ABCC9: variants seen among roughly 807,000 people sequenced by gnomAD.
ABCC9 encodes ATP binding cassette subfamily C member 9.
Under a neutral mutation model 188.3 loss-of-function variants are expected in ABCC9, and 95 were observed. The observed-to-expected ratio is 0.50, with a 90% CI of 0.43 to 0.60. The LOEUF is 0.60. Among genes scored for constraint, ABCC9 ranks in the 20% least tolerant of loss-of-function variants. ABCC9 has a pLI of 0.00. For synonymous variants in ABCC9, 659 were observed against 652.7 expected (o/e 1.01, Z -0.15); for missense variants, 1,102 against 1,876.3 (o/e 0.59, Z 7.62).
At chr12:21,809,817 A>G (rs1254633390) in intron 37 of ABCC9, 35 bp downstream of exon 37, 7 of 1,231,768 alleles carry the variant, frequency 5.7e-6, no homozygotes, top group Admixed American at 1.7e-5. Flanking sequence ...TTAATGGCAT[A>G]TATAAAAAAT....
At chr12:21,827,074 T>A in intron 31 of ABCC9, 2 of 972,894 alleles carry the variant, frequency 2.1e-6, no homozygotes, top group Middle Eastern at 5.3e-4. Flanking sequence ...ATACAGAGTC[T>A]ATTATATTTA....
In ABCC9 at chr12:21,936,742, C is replaced by G. The variant is rs554592644; in HGVS notation, c.-20-48G>C. 9 of 1,396,876 alleles carry G rather than the reference C, an allele frequency of 6.4e-6. No homozygotes were observed. In the East Asian group the frequency reaches 1.4e-4, roughly 21 times the overall value. 86.5% of individuals were successfully genotyped at this position (1,396,876 alleles called of 1,614,324 possible). ...AGAAAAATCCTCTTATTAGTAAACT[C>G]TTGTTCATAAAATTATTAAAGCCTT... On this transcript the variant is annotated intron_variant, in intron 2 of 39. Coordinates refer to ENST00000261200, the MANE Select transcript of ABCC9 (RefSeq NM_020297.4).
At chr12:21,802,810 C>G (rs1478475999) in intron 39 of ABCC9, among the ~76,000 whole-genome samples, 1 of 152,102 alleles carries the variant, frequency 6.6e-6, no homozygotes, top group African/African-American at 2.4e-5. Flanking sequence ...CTACCTAAAA[C>G]CATCCCCAGA....
At chr12:21,905,325 A>C (rs1454489528) in intron 12 of ABCC9, among the ~76,000 whole-genome samples, 1 of 151,958 alleles carries the variant, frequency 6.6e-6, no homozygotes, top group Non-Finnish European at 1.5e-5. Context: ...ATGACAAGTT[A>C]ATGGGTGCAG....
intron 24 of ABCC9, among the ~76,000 whole-genome samples, chr12:21,848,768 T>C (rs1373031721): frequency 2.6e-5 from 4 of 152,126 alleles, no homozygotes; most frequent in Non-Finnish European, 4.4e-5. Context: ...CAATAGGATC[T>C]GAAAGAAGGT....
At chr12:21,937,441 C>G (rs1462472603) in intron 2 of ABCC9, among the ~76,000 whole-genome samples, 1 of 152,090 alleles carries the variant, frequency 6.6e-6, no homozygotes, top group Non-Finnish European at 1.5e-5. Flanking sequence ...AGGACAAGGT[C>G]ACACTGTGCT....
rs1948626078 is a variant in ABCC9, at chr12:21,917,042, A to G, written c.468T>C (p.Cys156=). Residue 156 remains cysteine (C), a synonymous_variant, in exon 6 of 40, where the codon TGT becomes TGC. Transcript: ENST00000261200. ...ITKTIKLVKY[C]QSGLDISNLR... is the part of the protein sequence containing the mutation. ...GGTTTGATATGTCCAAGCCAGACTG[A>G]CAGTACTTAACCAATTTTATTGTTT... is the stretch of plus-strand genomic sequence containing the variant. 2 of 1,613,920 alleles carry G rather than the reference A, an allele frequency of 1.2e-6. No homozygotes were observed. The highest frequency in any genetic ancestry group is 1.7e-6 in the Non-Finnish European group (2 of 1,179,834).
chr12:21,863,096 A>T, intron 19 of ABCC9, 42 bp from the exon 20 acceptor site: 1 of 1,305,326 alleles, frequency 7.7e-7, no homozygotes, highest in South Asian at 1.2e-5. Flanking sequence ...AGGATTATGC[A>T]AAGGTACTGT....
intron 10 of ABCC9, among the ~76,000 whole-genome samples, chr12:21,909,838 A>T (rs557720110): frequency 6.6e-6 from 1 of 152,032 alleles, no homozygotes; most frequent in African/African-American, 2.4e-5. Context: ...AATCTATTTA[A>T]CCTTGACAAT....
chr12:21,858,555 G>A lies in ABCC9; in HGVS notation c.2505+1031C>T, dbSNP rs143235560. 2.7e-4 allele frequency among the ~76,000 whole-genome samples: 41 copies of A among 150,180 alleles called. No homozygotes were observed. In the East Asian group the frequency reaches 8.1e-3, roughly 30 times the overall value. On this transcript the variant is annotated intron_variant, in intron 22 of 39. Transcript: ENST00000261200. ...GATGGTGCCATTGCAGTCCAGTCTG[G>A]GCAACAGAGCAAGAATCCATCTCAA...
At chr12:21,915,267 A>AC (rs774503903) in intron 7 of ABCC9, among the ~76,000 whole-genome samples, 1,763 of 88,844 alleles carry the variant, frequency 0.02, 12 homozygotes, top group East Asian at 0.054. Flanking sequence ...GTGTGTATAT[A>AC]ATGTGTATAT....
At chr12:21,847,769 C>CA (rs901664898) in intron 25 of ABCC9, among the ~76,000 whole-genome samples, 8 of 152,224 alleles carry the variant, frequency 5.3e-5, no homozygotes, top group Admixed American at 3.3e-4. Context: ...ACAGCTACTT[C>CA]AAAATGCCAT....
At chr12:21,871,158 A>G (rs965519675) in intron 18 of ABCC9, among the ~76,000 whole-genome samples, 5 of 152,210 alleles carry the variant, frequency 3.3e-5, no homozygotes, top group Admixed American at 2.6e-4. Context: ...AAGCTACACA[A>G]TGTAATTAAA....
intron 2 of ABCC9, among the ~76,000 whole-genome samples, chr12:21,939,540 A>G (rs1204416731): frequency 6.6e-6 from 1 of 152,164 alleles, no homozygotes; most frequent in East Asian, 1.9e-4. Context: ...AAGGGTATAA[A>G]TCGCTGTTCT....
chr12:21,914,152 A>G (rs774003519), intron 7 of ABCC9, among the ~76,000 whole-genome samples: 2 of 152,178 alleles, frequency 1.3e-5, no homozygotes, highest in Non-Finnish European at 2.9e-5. Context: ...ATCATTTACC[A>G]TAAATGTTTC....
intron 8 of ABCC9, 40 bp from the exon 9 acceptor site, chr12:21,911,018 C>T: frequency 6.3e-7 from 1 of 1,598,962 alleles, no homozygotes; most frequent in Non-Finnish European, 8.6e-7. Flanking sequence ...TAAAACTCGT[C>T]TTTTTATAGA....
intron 2 of ABCC9, among the ~76,000 whole-genome samples, chr12:21,937,579 A>G (rs1949538881): frequency 6.6e-6 from 1 of 152,226 alleles, no homozygotes; most frequent in Admixed American, 6.5e-5. Context: ...GTGCCCAAAC[A>G]GATGGGAGAT....
At chr12:21,804,151 G>A (rs1049684398) in intron 39 of ABCC9, among the ~76,000 whole-genome samples, 4 of 152,086 alleles carry the variant, frequency 2.6e-5, no homozygotes, top group South Asian at 2.1e-4. Context: ...TAGTGGCCAC[G>A]TTCACATGAG....
In ABCC9 at chr12:21,848,186, T is replaced by C. The variant is rs745497913; in HGVS notation, c.2830A>G (p.Arg944Gly). ...TCCTCCATCTGGGCTTTGGCTTCTC[T>C]TGAATACATGGCCCGTCGGAGAGTT... ...RKTLRRAMYS[R>G]EAKAQMEDED... Residue 944 changes from arginine to glycine, a missense_variant, in exon 25 of 40, where the codon AGA (arginine) becomes GGA (glycine). Physicochemically the swap from Arg to Gly is moderately radical, Grantham distance 125. Transcript: ENST00000261200. 1 of 1,613,690 alleles carries C rather than the reference T, an allele frequency of 6.2e-7. No homozygotes were observed. The highest frequency in any genetic ancestry group is 1.1e-5 in the South Asian group (1 of 91,084).
Sources: gnomAD v4.1 joint callset for allele counts (sites outside exome capture counted in the v4.1 genomes callset) on GRCh38, gnomAD v4.1.1 for gene constraint, MANE v1.5 for transcripts, NCBI Gene and HGNC (gene_info 2026-07-23, HGNC 2026-07-21) for gene names.